ARHGEF3: variants seen among roughly 807,000 people sequenced by gnomAD.
ARHGEF3 encodes Rho guanine nucleotide exchange factor 3.
ARHGEF3 carries 28 observed loss-of-function variants against 63.2 expected under a neutral mutation model. The ratio of observed to expected loss-of-function variants is 0.44; its 90% CI spans 0.33 to 0.61. The LOEUF is 0.61. ARHGEF3 is among the 20% of genes least tolerant of loss of function. ARHGEF3 has a pLI of 0.03. For missense variants in ARHGEF3, 533 were observed against 659.3 expected (o/e 0.81, Z 2.10); for synonymous variants, 266 against 254.2 (o/e 1.05, Z -0.44).
At chr3:56,852,307 C>T (rs1307748995) in intron 4 of ARHGEF3, among the ~76,000 whole-genome samples, 3 of 152,148 alleles carry the variant, frequency 2.0e-5, no homozygotes, top group Non-Finnish European at 4.4e-5. Context: ...CATTTTCCTT[C>T]GTTTTCTTGA....
chr3:56,743,102 C>T lies in ARHGEF3; in HGVS notation c.870+2103G>A, dbSNP rs1054495065. On this transcript the variant is annotated intron_variant, in intron 7 of 9. Transcript: ENST00000296315. Reference sequence around the variant, plus strand: ...AAATATGGAAAGGAGGCAACTCTATCGCACTCTTCCCAGTAATAAAAACAG... The same window carrying T: ...AAATATGGAAAGGAGGCAACTCTATTGCACTCTTCCCAGTAATAAAAACAG... Among the ~76,000 whole-genome samples, 5 of 152,274 alleles carry T rather than the reference C, an allele frequency of 3.3e-5. No homozygotes were observed. In the South Asian group the frequency reaches 8.3e-4, roughly 25 times the overall value.
At position 56,815,297 on chromosome 3, in the gene ARHGEF3, G is replaced by A. The variant is rs137971401; in HGVS notation, c.193-41481C>T. 2.8e-3 allele frequency among the ~76,000 whole-genome samples: 424 copies of A among 152,238 alleles called. 1 individual carries two copies. The highest frequency in any genetic ancestry group is 9.7e-3 in the African/African-American group (404 of 41,536). ...TTTAAACATAAATGTGTATGCTTCT[G>A]TGATTCTATTAAACAGCAAAGACTG... On this transcript the variant is annotated intron_variant, in intron 4 of 12. Coordinates refer to the ARHGEF3 transcript ENST00000338458.
At chr3:57,076,076 G>T (rs951343481) in intron 1 of ARHGEF3, among the ~76,000 whole-genome samples, 6 of 152,112 alleles carry the variant, frequency 3.9e-5, no homozygotes, top group Admixed American at 3.9e-4. Flanking sequence ...TAAGAAAATG[G>T]GTCCAAGGAT....
chr3:56,906,589 A>C (rs1241901472), intron 3 of ARHGEF3, among the ~76,000 whole-genome samples: 1 of 152,200 alleles, frequency 6.6e-6, no homozygotes. Flanking sequence ...TAATCCTAGC[A>C]CTTCGGGAGG....
intron 2 of ARHGEF3, chr3:56,975,755 C>T: frequency 2.4e-6 from 1 of 415,738 alleles, no homozygotes; most frequent in South Asian, 1.8e-5. Flanking sequence ...GAAACTCAAA[C>T]ACTTACTATG....
intron 2 of ARHGEF3, among the ~76,000 whole-genome samples, chr3:56,979,684 G>C (rs937180427): frequency 1.3e-5 from 2 of 152,252 alleles, no homozygotes; most frequent in African/African-American, 4.8e-5. Context: ...CTGGGGCTCA[G>C]AGAGGTCAGC....
chr3:56,971,050 A>C (rs914846167), intron 2 of ARHGEF3, among the ~76,000 whole-genome samples: 1 of 152,190 alleles, frequency 6.6e-6, no homozygotes, highest in Admixed American at 6.5e-5. Flanking sequence ...AGCTCTGGAA[A>C]GCCAGGGACT....
chr3:56,816,437 A>G lies in ARHGEF3; in HGVS notation c.193-42621T>C, dbSNP rs186571286. On this transcript the variant is annotated intron_variant, in intron 4 of 12. Coordinates refer to the ARHGEF3 transcript ENST00000338458. ...ATAAATAACAAATAGCACTAGAATTACTTAATAAATCATAATCTTCATTAT... is the reference window on the plus strand; with the variant it reads ...ATAAATAACAAATAGCACTAGAATTGCTTAATAAATCATAATCTTCATTAT... Among the ~76,000 whole-genome samples, 457 of 152,354 alleles carry G rather than the reference A, an allele frequency of 3.0e-3. 1 individual carries two copies. Among genetic ancestry groups the G allele is most frequent in the Non-Finnish European group, 3.5e-3 (235 of 68,032 alleles).
At chr3:56,895,293 T>C (rs2108293282) in intron 3 of ARHGEF3, among the ~76,000 whole-genome samples, 1 of 152,244 alleles carries the variant, frequency 6.6e-6, no homozygotes, top group African/African-American at 2.4e-5. Context: ...TCATGACTAC[T>C]CTGAAAGACT....
chr3:57,040,864 A>G (rs991318064), intron 1 of ARHGEF3, among the ~76,000 whole-genome samples: 1 of 150,020 alleles, frequency 6.7e-6, no homozygotes, highest in Non-Finnish European at 1.5e-5. Flanking sequence ...GGAACTGATC[A>G]GCTACTGACA....
At chr3:56,947,719 C>T (rs879114482) in intron 3 of ARHGEF3, among the ~76,000 whole-genome samples, 9 of 152,080 alleles carry the variant, frequency 5.9e-5, no homozygotes, top group South Asian at 4.2e-4. Flanking sequence ...GACAGATCAA[C>T]GAGACAGAAA....
chr3:56,753,711 G>A (rs2034904413), intron 3 of ARHGEF3, 145 bp from the exon 4 acceptor site: 1 of 674,800 alleles, frequency 1.5e-6, no homozygotes, highest in African/African-American at 1.8e-5. Flanking sequence ...ATGCATCTAT[G>A]CTTAAACCTG....
chr3:56,881,342 C>T (rs1387069548), intron 4 of ARHGEF3, among the ~76,000 whole-genome samples: 1 of 152,086 alleles, frequency 6.6e-6, no homozygotes, highest in Non-Finnish European at 1.5e-5. Context: ...TAATGTTAGA[C>T]GGATCCACAG....
chr3:56,792,992 GTT>G (rs1050235313), intron 1 of ARHGEF3, among the ~76,000 whole-genome samples: 3 of 131,426 alleles, frequency 2.3e-5, no homozygotes, highest in African/African-American at 6.4e-5. Flanking sequence ...ACGGCATTGG[GTT>G]TTTTTTTTTT....
intron 1 of ARHGEF3, among the ~76,000 whole-genome samples, chr3:56,776,415 T>A (rs1296414690): frequency 6.6e-6 from 1 of 152,216 alleles, no homozygotes; most frequent in Non-Finnish European, 1.5e-5. Flanking sequence ...CGTTGCTGTG[T>A]GATTTAGTGC....
At chr3:56,994,763 G>T (rs1261401230) in intron 2 of ARHGEF3, among the ~76,000 whole-genome samples, 2 of 151,678 alleles carry the variant, frequency 1.3e-5, no homozygotes, top group African/African-American at 2.4e-5. Context: ...ACAAGATGCG[G>T]CAGGAATGAT....
At chr3:56,885,353 C>CA (rs1321718647) in intron 3 of ARHGEF3, among the ~76,000 whole-genome samples, 1 of 152,172 alleles carries the variant, frequency 6.6e-6, no homozygotes, top group Admixed American at 6.5e-5. Context: ...TGTTGGGCGA[C>CA]AAGACCTGGC....
chr3:57,053,791 T>C (rs1401623150), intron 1 of ARHGEF3, among the ~76,000 whole-genome samples: 1 of 152,234 alleles, frequency 6.6e-6, no homozygotes, highest in Non-Finnish European at 1.5e-5. Flanking sequence ...CTTCCAGTCA[T>C]CACTGTGTTA....
intron 7 of ARHGEF3, among the ~76,000 whole-genome samples, chr3:56,744,799 G>C (rs1216683851): frequency 6.6e-6 from 1 of 152,140 alleles, no homozygotes; most frequent in Non-Finnish European, 1.5e-5. Flanking sequence ...AATGGAGCTA[G>C]ATTTTAAATG....
Sources: allele counts gnomAD v4.1 joint callset (sites outside exome capture counted in the v4.1 genomes callset), GRCh38; gene constraint gnomAD v4.1.1; transcripts MANE v1.5; gene names NCBI Gene and HGNC (gene_info 2026-07-23, HGNC 2026-07-21).